Variants in TRAF3 observed in about 807,000 individuals in gnomAD.
The protein encoded by TRAF3 is TNF receptor associated factor 3, also known as TNF receptor-associated factor 3.
A neutral mutation model predicts 62.3 loss-of-function variants in TRAF3; 13 were observed. That is an observed-to-expected ratio of 0.21 (90% CI 0.14 to 0.33). The LOEUF is 0.33. Among genes scored for constraint, TRAF3 ranks in the 10% least tolerant of loss-of-function variants. The pLI is 1.00. For missense variants in TRAF3, 440 were observed against 741.8 expected (o/e 0.59, Z 4.73); for synonymous variants, 269 against 283.4 (o/e 0.95, Z 0.51).
chr14:102,829,947 T>C (rs148909137), intron 1 of TRAF3, among the ~76,000 whole-genome samples: 84 of 152,074 alleles, frequency 5.5e-4, no homozygotes, highest in African/African-American at 1.9e-3. Flanking sequence ...CTGGGCAAAA[T>C]AGCAAGACCT....
intron 2 of TRAF3, among the ~76,000 whole-genome samples, chr14:102,844,558 G>A (rs1312994267): frequency 1.3e-5 from 2 of 152,178 alleles, no homozygotes; most frequent in African/African-American, 4.8e-5. Context: ...GGGCCCAGGT[G>A]TTGGAGTCAG....
In TRAF3 at chr14:102,885,597, A is replaced by C. The variant is rs540252258; in HGVS notation, c.571-592A>C. Among the ~76,000 whole-genome samples, 65 of 152,354 alleles carry C rather than the reference A, an allele frequency of 4.3e-4. 1 individual carries two copies. Among genetic ancestry groups the C allele is most frequent in the Admixed American group, 3.9e-4 (6 of 15,310 alleles). ...AAGGTGAAGTTTGTGCTATTAGGGA[A>C]GGCCTAACCCAAAACCTATCCCAAT... is the stretch of plus-strand genomic sequence containing the variant. On this transcript the variant is annotated intron_variant, in intron 6 of 11. Coordinates refer to ENST00000392745, the MANE Select transcript of TRAF3 (RefSeq NM_145725.3).
At chr14:102,836,776 G>A (rs1203256285) in intron 2 of TRAF3, among the ~76,000 whole-genome samples, 2 of 152,208 alleles carry the variant, frequency 1.3e-5, no homozygotes, top group Non-Finnish European at 2.9e-5. Flanking sequence ...CTCTTATCTA[G>A]CTATAAAAAT....
intron 1 of TRAF3, among the ~76,000 whole-genome samples, chr14:102,824,155 A>G (rs961604924): frequency 1.3e-5 from 2 of 152,106 alleles, no homozygotes; most frequent in African/African-American, 4.8e-5. Flanking sequence ...TCTTTTACCT[A>G]CAGTTCAGAT....
At chr14:102,875,572 T>C in intron 4 of TRAF3, 52 bp from the exon 5 acceptor site, 2 of 1,495,016 alleles carry the variant, frequency 1.3e-6, no homozygotes, top group East Asian at 2.3e-5. Context: ...AGTAGCAGCA[T>C]GTGGAGATTA....
intron 1 of TRAF3, among the ~76,000 whole-genome samples, chr14:102,820,717 A>G (rs1899927745): frequency 1.4e-5 from 2 of 139,666 alleles, no homozygotes; most frequent in African/African-American, 2.7e-5. Flanking sequence ...TGCAGCCTCA[A>G]TCTCCTGGGC....
chr14:102,888,632 A>G (rs1051949232), intron 7 of TRAF3, among the ~76,000 whole-genome samples: 5 of 152,098 alleles, frequency 3.3e-5, no homozygotes, highest in Admixed American at 1.3e-4. Context: ...CCACACACCC[A>G]TCCTCCCAAA....
chr14:102,909,585 C>G lies in TRAF3; in HGVS notation c.*3801C>G, dbSNP rs963189755. On this transcript the variant is annotated 3_prime_UTR_variant, in exon 12 of 12. Coordinates refer to ENST00000392745, the MANE Select transcript of TRAF3 (RefSeq NM_145725.3). ...ATGGTGTGGCATACTGGGGCTCCTG[C>G]TCCTTGGGCCACTTCCTCAGCCCGG... 2.0e-5 allele frequency: 3 copies of G among 152,440 alleles called. No homozygotes were observed. Among genetic ancestry groups the G allele is most frequent in the Admixed American group, 6.5e-5 (1 of 15,298 alleles). The allele number at this position is 152,440 out of a possible 1,614,324, so 9.4% of individuals were successfully genotyped here.
chr14:102,886,835 T>A (rs1405102611), intron 7 of TRAF3, among the ~76,000 whole-genome samples: 1 of 152,218 alleles, frequency 6.6e-6, no homozygotes, highest in Non-Finnish European at 1.5e-5. Flanking sequence ...GGGAATATTT[T>A]ACATACAGTA....
chr14:102,840,130 C>G (rs1886290761), intron 2 of TRAF3, among the ~76,000 whole-genome samples: 1 of 152,022 alleles, frequency 6.6e-6, no homozygotes, highest in Non-Finnish European at 1.5e-5. Flanking sequence ...TAAAGGGACA[C>G]CCAAAATCTC....
intron 2 of TRAF3, among the ~76,000 whole-genome samples, chr14:102,840,082 G>C (rs796938274): frequency 2.0e-5 from 3 of 152,160 alleles, no homozygotes; most frequent in African/African-American, 7.2e-5. Context: ...CCCAGGACTA[G>C]GGTAAGGCAA....
intron 6 of TRAF3, among the ~76,000 whole-genome samples, chr14:102,882,612 A>C (rs1402769068): frequency 1.4e-5 from 2 of 145,412 alleles, no homozygotes; most frequent in East Asian, 4.0e-4. Flanking sequence ...TCATCCCCTG[A>C]GGCCTTCGTT....
chr14:102,822,152 C>A (rs1900026863), intron 1 of TRAF3, among the ~76,000 whole-genome samples: 1 of 152,018 alleles, frequency 6.6e-6, no homozygotes, highest in Non-Finnish European at 1.5e-5. Context: ...ATTAAAAAAA[C>A]CTGAATGTAT....
rs568164050 is a variant in TRAF3 at position 102,905,652 on chromosome 14, T to C, written c.1575T>C (p.Thr525=). Residue 525 remains threonine, a synonymous_variant, in exon 12 of 12, where the codon ACT becomes ACC. Coordinates refer to ENST00000392745, the MANE Select transcript of TRAF3 (RefSeq NM_145725.3). The part of the protein sequence containing the change: ...DPNSSSFKKP[T]GEMNIASGCP... ...ACAGCAGCAGCTTCAAGAAGCCCAC[T>C]GGAGAGATGAATATCGCCTCTGGCT... is the stretch of plus-strand genomic sequence containing the variant. 21 of 1,613,854 alleles carry C rather than the reference T, an allele frequency of 1.3e-5. No homozygotes were observed. The highest frequency in any genetic ancestry group is 1.8e-5 in the Non-Finnish European group (21 of 1,179,754).
intron 1 of TRAF3, among the ~76,000 whole-genome samples, chr14:102,779,308 A>G (rs961767775): frequency 5.6e-5 from 7 of 124,564 alleles, no homozygotes; most frequent in Admixed American, 4.9e-4. Context: ...TGAGACATTC[A>G]TGTGAATTTC....
intron 2 of TRAF3, 99 bp from the exon 3 acceptor site, chr14:102,870,086 T>G: frequency 6.8e-7 from 1 of 1,471,156 alleles, no homozygotes; most frequent in East Asian, 2.3e-5. Flanking sequence ...TGCCTAAAAC[T>G]GAAAGACAGC....
intron 1 of TRAF3, among the ~76,000 whole-genome samples, chr14:102,780,729 T>C (rs540580594): frequency 1.3e-5 from 2 of 152,310 alleles, no homozygotes; most frequent in Admixed American, 6.5e-5. Flanking sequence ...TTAATTAATA[T>C]TCAGTTAATG....
chr14:102,891,265 C>T (rs891528259), intron 8 of TRAF3, 60 bp from the exon 9 acceptor site: 34 of 1,496,902 alleles, frequency 2.3e-5, no homozygotes, highest in Non-Finnish European at 2.9e-5. Flanking sequence ...GTATGTTAGC[C>T]GTTCTGCCCT....
chr14:102,892,907 A>G (rs899759127), intron 9 of TRAF3, among the ~76,000 whole-genome samples: 24 of 152,232 alleles, frequency 1.6e-4, no homozygotes. Context: ...AATCCTAGCC[A>G]TCTTCCCGTG....
Sources: allele counts gnomAD v4.1 joint callset (sites outside exome capture counted in the v4.1 genomes callset), GRCh38; gene constraint gnomAD v4.1.1; transcripts MANE v1.5; gene names NCBI Gene and HGNC (gene_info 2026-07-23, HGNC 2026-07-21).